Variants in KLHDC4 observed in about 807,000 individuals in gnomAD.
KLHDC4 encodes the protein kelch domain-containing protein 4.
KLHDC4 carries 90 observed loss-of-function variants against 62.4 expected under a neutral mutation model. The ratio of observed to expected loss-of-function variants is 1.44; its 90% CI spans 1.22 to 1.72. The LOEUF is 1.72. KLHDC4 is among the 40% of genes most tolerant of loss of function. The probability of loss-of-function intolerance (pLI) is 0.00; values close to 1 mark genes in which losing one functional copy is unlikely to be tolerated. For missense variants in KLHDC4, 1,025 were observed against 699.7 expected, an observed-to-expected ratio of 1.47 and a Z score of -5.25; for synonymous variants, 386 against 284.4, an observed-to-expected ratio of 1.36 and a Z score of -3.59.
chr16:87,759,772 CCT>C (rs1290607434), intron 2 of KLHDC4, among the ~76,000 whole-genome samples: 1 of 152,160 alleles, frequency 6.6e-6, no homozygotes, highest in Non-Finnish European at 1.5e-5. Flanking sequence ...TTCCCAAATT[CCT>C]CTGACCCTGA....
chr16:87,703,900 C>T (rs1031697434), downstream of KLHDC4, among the ~76,000 whole-genome samples: 2 of 152,214 alleles, frequency 1.3e-5, no homozygotes, highest in Non-Finnish European at 2.9e-5. Flanking sequence ...CTGCAACCTG[C>T]GCCGGGAGCC....
chr16:87,718,668 G>A (rs555337227), intron 7 of KLHDC4, among the ~76,000 whole-genome samples: 55 of 151,312 alleles, frequency 3.6e-4, no homozygotes, highest in East Asian at 3.2e-3. Flanking sequence ...AGTGAGGAGC[G>A]TCTCTGCCTG....
intron 5 of KLHDC4, among the ~76,000 whole-genome samples, chr16:87,740,243 G>T (rs539418229): frequency 6.6e-6 from 1 of 152,318 alleles, no homozygotes; most frequent in African/African-American, 2.4e-5. Flanking sequence ...CAGGCCCACC[G>T]TGACTGAGGA....
Position 87,709,298 on chromosome 16 carries a change from C to G in KLHDC4, c.1414G>C (p.Glu472Gln), listed in dbSNP as rs1438760813. The change falls in exon 10 of 12, where the codon GAG becomes CAG. Residue 472 changes from glutamate to glutamine, a missense_variant. Physicochemically the swap from Glu to Gln is conservative, Grantham distance 29 (BLOSUM62 2). Coordinates refer to ENST00000270583, the MANE Select transcript of KLHDC4 (RefSeq NM_017566.4). ...DLHCLDLHRM[E>Q]AWKALVEMDP... Reference sequence around the variant, plus strand: ...ATCTCCACCAAGGCCTTCCACGCCTCCATCCTGTGCAGGTCCAGGCAGTGC... The same window carrying G: ...ATCTCCACCAAGGCCTTCCACGCCTGCATCCTGTGCAGGTCCAGGCAGTGC... 6.2e-7 allele frequency: 1 copy of G among 1,613,032 alleles called. No homozygotes were observed. Among genetic ancestry groups the G allele is most frequent in the Admixed American group, 1.7e-5 (1 of 60,030 alleles).
chr16:87,765,940 C>A lies in KLHDC4; in HGVS notation c.-50G>T. 2 of 1,517,716 alleles carry A rather than the reference C, an allele frequency of 1.3e-6. No homozygotes were observed. Among genetic ancestry groups the A allele is most frequent in the African/African-American group, 2.8e-5 (2 of 72,494 alleles). 94.0% of individuals were successfully genotyped at this position (1,517,716 alleles called of 1,614,324 possible). A position where few individuals can be genotyped will look rare whatever the true frequency, so the allele number is the denominator to read the frequency against. On this transcript the variant is annotated 5_prime_UTR_variant, in exon 1 of 12. Transcript: ENST00000270583. ...GGACACCAGGAAAGAAAACGGCCCG[C>A]GCTCTCCGCTCGGAAACAGGTGCTC... is the stretch of plus-strand genomic sequence containing the variant.
chr16:87,715,035 G>C (rs992950534), intron 7 of KLHDC4, among the ~76,000 whole-genome samples: 2 of 152,150 alleles, frequency 1.3e-5, no homozygotes, highest in African/African-American at 2.4e-5. Flanking sequence ...TCCAAGCTTC[G>C]AAAACAACGC....
chr16:87,756,646 C>T (rs1461139858), intron 2 of KLHDC4, among the ~76,000 whole-genome samples, 169 bp from the exon 3 acceptor site: 5 of 151,458 alleles, frequency 3.3e-5, no homozygotes, highest in East Asian at 1.9e-4. Flanking sequence ...GAACACCAAC[C>T]CCTCTACCAG....
intron 4 of KLHDC4, among the ~76,000 whole-genome samples, chr16:87,751,834 G>A (rs1405399465): frequency 6.6e-6 from 1 of 152,052 alleles, no homozygotes; most frequent in African/African-American, 2.4e-5. Flanking sequence ...AGCACTTTGG[G>A]AGGCCGAGGC....
downstream of KLHDC4, among the ~76,000 whole-genome samples, chr16:87,706,523 C>T (rs867933612): frequency 6.6e-6 from 1 of 152,218 alleles, no homozygotes; most frequent in Non-Finnish European, 1.5e-5. Flanking sequence ...GCACTGCCAC[C>T]CACATCCAGA....
Position 87,761,962 on chromosome 16 carries a change from G to A in KLHDC4, c.178C>T (p.Pro60Ser), listed in dbSNP as rs770619595. 5.6e-6 allele frequency: 9 copies of A among 1,613,728 alleles called. No homozygotes were observed. In the South Asian group the frequency reaches 8.8e-5, roughly 16 times the overall value. Residue 60 changes from proline (P) to serine (S), a missense_variant, in exon 2 of 12, where the codon CCA becomes TCA. By Grantham distance (74) the Pro-to-Ser change is moderately conservative (BLOSUM62 -1). Transcript: ENST00000270583. ...RTQTVELPCP[P>S]PSPRLNASLS... Reference sequence around the variant, plus strand: ...CTACTTGCTCACCTTGGTGAGGGTGGGGGGCACGGAAGTTCCACAGTCTGA... The same window carrying A: ...CTACTTGCTCACCTTGGTGAGGGTGAGGGGCACGGAAGTTCCACAGTCTGA...
chr16:87,705,977 C>G (rs551818983), downstream of KLHDC4, among the ~76,000 whole-genome samples: 4 of 151,846 alleles, frequency 2.6e-5, no homozygotes, highest in Non-Finnish European at 5.9e-5. Flanking sequence ...TGTGCGGGGT[C>G]GGTGCAACAC....
chr16:87,755,396 A>C (rs2044714949), intron 3 of KLHDC4, 104 bp from the exon 4 acceptor site: 5 of 661,454 alleles, frequency 7.6e-6, no homozygotes, highest in Non-Finnish European at 1.3e-5. Context: ...TGACATGCTA[A>C]AGGAATGTAA....
chr16:87,744,351 G>T (rs995095201), intron 5 of KLHDC4, among the ~76,000 whole-genome samples: 1 of 151,616 alleles, frequency 6.6e-6, no homozygotes, highest in African/African-American at 2.4e-5. Context: ...TGAGGTGGAG[G>T]TGGCAGTGAG....
chr16:87,703,051 T>C (rs2034231918), downstream of KLHDC4: 1 of 152,264 alleles, frequency 6.6e-6, no homozygotes, highest in Non-Finnish European at 1.5e-5. Context: ...CAATGTCGTG[T>C]GACACTTTGG....
exon 1 of KLHDC4, chr16:87,698,430 A>G (rs137912500): frequency 2.0e-5 from 3 of 152,380 alleles, no homozygotes; most frequent in East Asian, 3.9e-4. Context: ...CTGCTTTTGT[A>G]CATTCCAGTA....
chr16:87,709,659 C>T lies in KLHDC4; in HGVS notation c.1053G>A (p.Lys351=), dbSNP rs1446807030. Reference sequence around the variant, plus strand: ...CCCGCCTGCGTTTCTTCTTTTCAGACTTGGGTCCCTATTAATAGACCGAGG... The same window carrying T: ...CCCGCCTGCGTTTCTTCTTTTCAGATTTGGGTCCCTATTAATAGACCGAGG... ...RWFEGQLKGP[K]SEKKKRRRGR... Residue 351 remains lysine, a synonymous_variant, in exon 10 of 12, where the codon AAG becomes AAA. Transcript: ENST00000270583. 1 of 1,597,356 alleles carries T rather than the reference C, an allele frequency of 6.3e-7. No individual in the cohort carries two copies. The highest frequency in any genetic ancestry group is 8.5e-7 in the Non-Finnish European group (1 of 1,171,646).
In KLHDC4 at chr16:87,711,288, C is replaced by G. The variant is rs56821624; in HGVS notation, c.991G>C (p.Asp331His). Residue 331 changes from aspartate to histidine, a missense_variant, in exon 9 of 12, where the codon GAT (aspartate) becomes CAT (histidine). Asp to His is a moderately conservative substitution (Grantham distance 81). Coordinates refer to ENST00000270583, the MANE Select transcript of KLHDC4 (RefSeq NM_017566.4). The part of the protein sequence containing the change: ...EESLSGEFFN[D>H]LYFYDATRNR... ...CTGGTGGCGTCGTAGAAGTACAGATCGTTGAAGAACTCGCCCGACAGGCTC... is the reference window on the plus strand; with the variant it reads ...CTGGTGGCGTCGTAGAAGTACAGATGGTTGAAGAACTCGCCCGACAGGCTC... 2 of 1,614,102 alleles carry G rather than the reference C, an allele frequency of 1.2e-6. No homozygotes were observed. The highest frequency in any genetic ancestry group is 1.7e-6 in the Non-Finnish European group (2 of 1,180,028).
At chr16:87,711,559 A>G in intron 8 of KLHDC4, 116 bp from the exon 9 acceptor site, 1 of 822,360 alleles carries the variant, frequency 1.2e-6, no homozygotes. Flanking sequence ...GAAAACCGTG[A>G]GACTGTGGGC....
At chr16:87,725,769 G>A (rs1480423733) in intron 7 of KLHDC4, among the ~76,000 whole-genome samples, 2 of 152,188 alleles carry the variant, frequency 1.3e-5, no homozygotes, top group Non-Finnish European at 1.5e-5. Flanking sequence ...TCCACGAGCA[G>A]ATGCCAGTAC....
Sources: allele counts gnomAD v4.1 joint callset (sites outside exome capture counted in the v4.1 genomes callset), GRCh38; gene constraint gnomAD v4.1.1; transcripts MANE v1.5; gene names NCBI Gene and HGNC (gene_info 2026-07-23, HGNC 2026-07-21).